Variants in DNAJB6 observed in about 807,000 individuals in gnomAD.
DNAJB6 encodes the protein DnaJ heat shock protein family (Hsp40) member B6.
A neutral mutation model predicts 42.7 loss-of-function variants in DNAJB6; 16 were observed. The observed-to-expected ratio is 0.37, with a 90% CI of 0.25 to 0.57. The LOEUF (loss-of-function observed/expected upper bound fraction) is 0.57, where lower values mean the gene tolerates loss of function less well. Ranked by LOEUF, DNAJB6 falls within the 20% of genes least tolerant of loss-of-function variation. The pLI is 0.74. For synonymous variants in DNAJB6, 170 were observed against 163.5 expected (o/e 1.04, Z -0.30); for missense variants, 347 against 416.8 (o/e 0.83, Z 1.46).
chr7:157,348,563 G>A (rs563771185), intron 1 of DNAJB6, among the ~76,000 whole-genome samples: 15 of 152,176 alleles, frequency 9.9e-5, no homozygotes, highest in South Asian at 4.1e-4. Flanking sequence ...CATTCCTGTC[G>A]TTTTTGATTC....
At chr7:157,358,151 G>T (rs1341173582) in intron 1 of DNAJB6, among the ~76,000 whole-genome samples, 1 of 152,168 alleles carries the variant, frequency 6.6e-6, no homozygotes. Flanking sequence ...GGTCTTGCCC[G>T]ATGCCTGGCA....
In DNAJB6 at chr7:157,391,198, C is replaced by T. The variant is rs928692913; in HGVS notation, c.691+5587C>T. On this transcript the variant is annotated intron_variant, in intron 8 of 9. Transcript: ENST00000262177. ...AGGAACAGCAGTTGGAGCAGAAGCT[C>T]GGGGTGTGGTCATCAGGGAACTGTG... 4.6e-5 allele frequency among the ~76,000 whole-genome samples: 7 copies of T among 152,156 alleles called. No homozygotes were observed. The East Asian group carries it at 7.7e-4, about 17-fold the overall frequency.
At chr7:157,370,729 T>G (rs1459283799) in intron 5 of DNAJB6, 1 of 152,620 alleles carries the variant, frequency 6.6e-6, no homozygotes, top group Non-Finnish European at 1.5e-5. Context: ...CCATGATTAG[T>G]GTGGCAGTGA....
intron 9 of DNAJB6, chr7:157,412,188 A>G (rs567658309): frequency 2.0e-4 from 30 of 152,348 alleles, no homozygotes; most frequent in African/African-American, 7.0e-4. Context: ...ATGAGTCAAG[A>G]AACCGCTGCA....
chr7:157,400,786 A>C (rs1279081481), intron 8 of DNAJB6, among the ~76,000 whole-genome samples: 1 of 152,120 alleles, frequency 6.6e-6, no homozygotes, highest in Non-Finnish European at 1.5e-5. Context: ...TGAGTGGGTC[A>C]TGGAAGGATC....
At chr7:157,366,654 T>TA in intron 4 of DNAJB6, 93 bp downstream of exon 4, 1 of 1,184,794 alleles carries the variant, frequency 8.4e-7, no homozygotes, top group East Asian at 2.4e-5. Context: ...GTCGATTTTG[T>TA]ATCAGTAAAT....
At chr7:157,407,558 G>A (rs1053357456) in intron 8 of DNAJB6, among the ~76,000 whole-genome samples, 17 of 152,162 alleles carry the variant, frequency 1.1e-4, no homozygotes, top group Non-Finnish European at 4.4e-5. Flanking sequence ...TGCTGTGTGC[G>A]TGGGTCCCTT....
Position 157,385,551 on chromosome 7 carries a change from A to T in DNAJB6, c.631A>T (p.Asn211Tyr). The change falls in exon 8 of 10, where the codon AAC becomes TAC. Residue 211 changes from asparagine to tyrosine, a missense_variant. This residue lies in a region of DNAJB6 where 264 missense variants were observed against 288.0 expected (regional missense o/e 0.92). Transcript: ENST00000262177. Reference sequence around the variant, plus strand: ...ATTTTTTTCCTACAGAATTGTCGAGAACGGTCAAGAAAGAGTAGAAGTTGA... The same window carrying T: ...ATTTTTTTCCTACAGAATTGTCGAGTACGGTCAAGAAAGAGTAGAAGTTGA... ...RKITTKRIVENGQERVEVEED... is the reference protein window; with the variant it reads ...RKITTKRIVEYGQERVEVEED... 1 of 1,613,278 alleles carries T rather than the reference A, an allele frequency of 6.2e-7. No homozygotes were observed. Among genetic ancestry groups the T allele is most frequent in the Non-Finnish European group, 8.5e-7 (1 of 1,179,716 alleles).
chr7:157,382,030 C>G, intron 5 of DNAJB6: 2 of 394,572 alleles, frequency 5.1e-6, no homozygotes. Flanking sequence ...TTATTTGATA[C>G]AATGTATTGT....
intron 1 of DNAJB6, chr7:157,337,699 G>C (rs867286920): frequency 2.0e-4 from 31 of 152,396 alleles, no homozygotes; most frequent in African/African-American, 7.5e-4. Context: ...AGAGCAGGCT[G>C]CCTTTCTCAC....
At chr7:157,357,746 C>A (rs1007393637) in intron 1 of DNAJB6, among the ~76,000 whole-genome samples, 11 of 152,174 alleles carry the variant, frequency 7.2e-5, no homozygotes, top group African/African-American at 2.7e-4. Flanking sequence ...CTACATCCTC[C>A]ATTAGAGCTG....
intron 1 of DNAJB6, among the ~76,000 whole-genome samples, chr7:157,353,619 G>GTGTGTGTGTGTGTGTGTGTGTA (rs765489885): frequency 2.2e-4 from 33 of 146,976 alleles, no homozygotes; most frequent in African/African-American, 7.7e-4. Flanking sequence ...GTGTGTGTGT[G>GTGTGTGTGTGTGTGTGTGTGTA]TGTATGTATT....
At chr7:157,357,264 GTCCT>G (rs1205530621) in intron 1 of DNAJB6, among the ~76,000 whole-genome samples, 5 of 38,138 alleles carry the variant, frequency 1.3e-4, no homozygotes, top group Middle Eastern at 0.014. Flanking sequence ...CCTTCCTTCC[GTCCT>G]TCCTTCCGTC....
intron 1 of DNAJB6, among the ~76,000 whole-genome samples, chr7:157,351,605 C>A (rs1382311699): frequency 1.3e-5 from 2 of 151,220 alleles, no homozygotes; most frequent in African/African-American, 4.9e-5. Context: ...TGCACTCCAG[C>A]CTGGGTGACA....
intron 8 of DNAJB6, among the ~76,000 whole-genome samples, chr7:157,404,399 C>A (rs143914853): frequency 6.7e-6 from 1 of 149,954 alleles, no homozygotes; most frequent in African/African-American, 2.5e-5. Context: ...TCAAGTAATT[C>A]TCCCACCTCA....
chr7:157,392,003 T>C (rs895054916), intron 8 of DNAJB6, among the ~76,000 whole-genome samples: 1 of 147,746 alleles, frequency 6.8e-6, no homozygotes, highest in Admixed American at 6.9e-5. Context: ...CTCAGGAGGC[T>C]GAGGTGGAAG....
intron 1 of DNAJB6, among the ~76,000 whole-genome samples, chr7:157,355,467 C>T (rs1316495151): frequency 1.3e-5 from 2 of 152,206 alleles, no homozygotes; most frequent in Non-Finnish European, 2.9e-5. Context: ...GCCAGCATTC[C>T]CGTGGTTTCT....
In DNAJB6 at chr7:157,367,972, A is replaced by G. The variant is rs185202925; in HGVS notation, c.346+489A>G. On this transcript the variant is annotated intron_variant, in intron 5 of 9. Coordinates refer to ENST00000262177, the MANE Select transcript of DNAJB6 (RefSeq NM_058246.4). ...CTGTCTCAACAACAACAAAAAAAAT[A>G]CTAAAAATTAGCTGAGTGTGGTGGC... 7.9e-5 allele frequency among the ~76,000 whole-genome samples: 12 copies of G among 152,234 alleles called. No individual in the cohort carries two copies. In the East Asian group the frequency reaches 2.3e-3, roughly 29 times the overall value.
rs1345615982 is a variant in DNAJB6, at chr7:157,409,799, G to GGCC, written c.698_700dup (p.Ala233dup). The stretch of plus-strand genomic sequence containing the variant: ...TCTCTCCCGCTGTGCCTGCAGGTGT[G>GGCC]GCCGACGACGATGCCCTCGCTGAGG... On this transcript the variant is annotated inframe_insertion, in exon 9 of 10. Transcript: ENST00000262177. 1 of 1,527,006 alleles carries GGCC rather than the reference G, an allele frequency of 6.5e-7. No homozygotes were observed. Among genetic ancestry groups the GGCC allele is most frequent in the Non-Finnish European group, 8.8e-7 (1 of 1,140,770 alleles). 94.6% of individuals were successfully genotyped at this position (1,527,006 alleles called of 1,614,324 possible). A position where few individuals can be genotyped will look rare whatever the true frequency, so the allele number is the denominator to read the frequency against.
Sources: gnomAD v4.1 joint callset for allele counts (sites outside exome capture counted in the v4.1 genomes callset) on GRCh38, gnomAD v4.1.1 for gene constraint, gnomAD v4.1.1 regional missense constraint, MANE v1.5 for transcripts, NCBI Gene and HGNC (gene_info 2026-07-23, HGNC 2026-07-21) for gene names.